Variants in CCNB3 observed in about 807,000 individuals in gnomAD.
CCNB3 encodes the protein G2/mitotic-specific cyclin-B3.
CCNB3 carries 12 observed loss-of-function variants against 68.0 expected under a neutral mutation model. The ratio of observed to expected loss-of-function variants is 0.18; its 90% CI spans 0.11 to 0.29. The LOEUF (loss-of-function observed/expected upper bound fraction) is 0.29, where lower values mean the gene tolerates loss of function less well. Among genes scored for constraint, CCNB3 ranks in the 10% least tolerant of loss-of-function variants. The pLI is 1.00. For synonymous variants in CCNB3, 354 were observed against 388.9 expected, an observed-to-expected ratio of 0.91 and a Z score of 1.06; for missense variants, 904 against 993.1, an observed-to-expected ratio of 0.91 and a Z score of 1.21.
intron 8 of CCNB3, among the ~76,000 whole-genome samples, chrX:50,331,667 A>G (rs139056397): frequency 0.023 from 2,586 of 111,712 alleles, 66 homozygotes; most frequent in African/African-American, 0.081. Flanking sequence ...ACTGGGCTAC[A>G]TGCTCGGCTA....
rs968876705 is a variant in CCNB3, at chrX:50,210,729, A to G, written c.-113+5779A>G. 4.0e-3 allele frequency among the ~76,000 whole-genome samples: 444 copies of G among 112,061 alleles called. 3 individuals are homozygous for G. The highest frequency in any genetic ancestry group is 0.014 in the African/African-American group (419 of 30,901). ...TGTTTAAATTCTGGCTGTAATGTTT[A>G]AAACATTCATTCACTGATATACTGT... On this transcript the variant is annotated intron_variant, in intron 1 of 12. Coordinates refer to ENST00000376042, the MANE Select transcript of CCNB3 (RefSeq NM_033031.3).
chrX:50,296,132 A>T (rs922700587), intron 5 of CCNB3, among the ~76,000 whole-genome samples: 9 of 107,831 alleles, frequency 8.3e-5, no homozygotes, highest in East Asian at 5.8e-4. Context: ...TTGTTTTTTT[A>T]TTATTATTAT....
At chrX:50,312,780 T>C (rs142169211) in intron 7 of CCNB3, 148 bp downstream of exon 7, 10,969 of 442,164 alleles carry the variant, frequency 0.025, 150 homozygotes, top group Non-Finnish European at 0.035. Context: ...TACTGTGAGT[T>C]GGACATTGTA....
intron 9 of CCNB3, among the ~76,000 whole-genome samples, chrX:50,343,350 C>T (rs891735270): frequency 1.8e-5 from 2 of 111,336 alleles, no homozygotes; most frequent in Admixed American, 1.9e-4. Context: ...GTACTGCACC[C>T]ATTAACTCGT....
At chrX:50,223,475 A>T (rs1259484027) in intron 1 of CCNB3, among the ~76,000 whole-genome samples, 1 of 111,679 alleles carries the variant, frequency 9.0e-6, no homozygotes, top group Non-Finnish European at 1.9e-5. Flanking sequence ...GTTGATGTTG[A>T]CACTATTCCT....
intron 8 of CCNB3, among the ~76,000 whole-genome samples, chrX:50,332,006 A>G (rs1430661322): frequency 1.8e-5 from 2 of 111,682 alleles, no homozygotes; most frequent in Non-Finnish European, 1.9e-5. Context: ...CAAGACCAGT[A>G]TCCACATTCA....
chrX:50,292,590 T>C (rs1264228706), intron 4 of CCNB3, among the ~76,000 whole-genome samples: 1 of 111,389 alleles, frequency 9.0e-6, no homozygotes, highest in Non-Finnish European at 1.9e-5. Flanking sequence ...CATTATTGTT[T>C]ATCTTTTTCT....
At chrX:50,228,198 T>C (rs1320050446) in intron 1 of CCNB3, among the ~76,000 whole-genome samples, 3 of 92,225 alleles carry the variant, frequency 3.3e-5, no homozygotes, top group Admixed American at 1.4e-4. Context: ...AGAATACATA[T>C]ATAAATACTT....
intron 1 of CCNB3, among the ~76,000 whole-genome samples, chrX:50,217,297 G>A (rs1195476151): frequency 4.5e-5 from 4 of 88,037 alleles, no homozygotes; most frequent in East Asian, 6.8e-4. Flanking sequence ...TTTTTGAGAC[G>A]GAGTCTTGCT....
At chrX:50,228,376 T>G (rs1409226758) in intron 1 of CCNB3, among the ~76,000 whole-genome samples, 2 of 85,643 alleles carry the variant, frequency 2.3e-5, no homozygotes, top group Non-Finnish European at 4.5e-5. Flanking sequence ...ACATAATATA[T>G]AGAGGATATA....
At chrX:50,279,500 TATGA>T (rs1936047010) in intron 1 of CCNB3, among the ~76,000 whole-genome samples, 1 of 83,358 alleles carries the variant, frequency 1.2e-5, no homozygotes, top group African/African-American at 4.5e-5. Context: ...TATAAATATA[TATGA>T]ATGTATTTAT....
intron 8 of CCNB3, among the ~76,000 whole-genome samples, chrX:50,316,101 G>A (rs935138299): frequency 3.6e-5 from 4 of 111,026 alleles, no homozygotes; most frequent in Non-Finnish European, 7.6e-5. Context: ...ATGGGGGTGA[G>A]TTTTTCCCAT....
intron 1 of CCNB3, among the ~76,000 whole-genome samples, chrX:50,222,456 G>C (rs1935687752): frequency 9.0e-6 from 1 of 111,259 alleles, no homozygotes; most frequent in South Asian, 3.8e-4. Flanking sequence ...TGTAAGGCAG[G>C]CCTGGTGGTG....
At chrX:50,228,046 T>A (rs1453993646) in intron 1 of CCNB3, among the ~76,000 whole-genome samples, 2 of 78,442 alleles carry the variant, frequency 2.5e-5, no homozygotes, top group Non-Finnish European at 4.6e-5. Flanking sequence ...AGAGAATATA[T>A]ATATAAATAT....
intron 1 of CCNB3, among the ~76,000 whole-genome samples, chrX:50,209,928 T>C (rs1257093196): frequency 8.9e-6 from 1 of 111,811 alleles, no homozygotes; most frequent in African/African-American, 3.2e-5. Flanking sequence ...CTCTTCTTTT[T>C]CTAGTATTGA....
rs1210349354 is a variant in CCNB3 at position 50,310,357 on chromosome X, G to A, written c.2188G>A (p.Ala730Thr). The A allele has an allele frequency of 3.1e-5, 38 of 1,210,646 alleles. No individual in the cohort carries two copies. Among genetic ancestry groups the A allele is most frequent in the Non-Finnish European group, 4.2e-5 (38 of 895,337 alleles). ...EEESLINKLL[A>T]LKEELSAEAA... Reference sequence around the variant, plus strand: ...AGAGTCCCTTATCAATAAGCTATTGGCTCTGAAGGAGGAGCTTTCTGCTGA... The same window carrying A: ...AGAGTCCCTTATCAATAAGCTATTGACTCTGAAGGAGGAGCTTTCTGCTGA... The change falls in exon 6 of 13, where the codon GCT becomes ACT. Residue 730 changes from alanine to threonine, a missense_variant. Ala to Thr is a moderately conservative substitution (Grantham distance 58). This residue lies in a region of CCNB3 where 619 missense variants were observed against 609.8 expected (regional missense o/e 1.02). Coordinates refer to ENST00000376042, the MANE Select transcript of CCNB3 (RefSeq NM_033031.3).
At chrX:50,227,375 T>C (rs1486143593) in intron 1 of CCNB3, among the ~76,000 whole-genome samples, 1 of 79,210 alleles carries the variant, frequency 1.3e-5, no homozygotes, top group Non-Finnish European at 2.3e-5. Context: ...AGAATATATA[T>C]AAATATATAC....
At chrX:50,287,531 A>T (rs1321803786) in intron 3 of CCNB3, among the ~76,000 whole-genome samples, 1 of 112,210 alleles carries the variant, frequency 8.9e-6, no homozygotes, top group Non-Finnish European at 1.9e-5. Context: ...TTAATCTTCA[A>T]GGACTGTAAG....
chrX:50,325,257 C>T (rs1557217149), intron 8 of CCNB3, among the ~76,000 whole-genome samples: 2 of 111,652 alleles, frequency 1.8e-5, no homozygotes, highest in African/African-American at 6.5e-5. Flanking sequence ...ACTTCCTTGA[C>T]TTATACAATA....
Sources: allele counts gnomAD v4.1 joint callset (sites outside exome capture counted in the v4.1 genomes callset), GRCh38; gene constraint gnomAD v4.1.1; regional missense constraint gnomAD v4.1.1; transcripts MANE v1.5; gene names NCBI Gene and HGNC (gene_info 2026-07-23, HGNC 2026-07-21).